RYR2: variants seen among roughly 807,000 people sequenced by gnomAD.
The protein encoded by RYR2 is ryanodine receptor 2.
RYR2 carries 227 observed loss-of-function variants against 601.1 expected under a neutral mutation model. The observed-to-expected ratio is 0.38, with a 90% CI of 0.34 to 0.42. The LOEUF (loss-of-function observed/expected upper bound fraction) is 0.42. Ranked by LOEUF, RYR2 falls within the 10% of genes least tolerant of loss-of-function variation. The pLI, the probability that RYR2 is intolerant of heterozygous loss-of-function variation, is 1.00. For missense variants in RYR2, 4,646 were observed against 6,156.5 expected (o/e 0.75, Z 8.21); for synonymous variants, 2,223 against 2,175.1 (o/e 1.02, Z -0.61).
rs1558301888 is a variant in RYR2, at chr1:237,728,963, A to AG, written c.10839-1296dup. ...CTTAAAGTAATGAAAGCAAAAAAAA[A>AG]GAATATTAACTTTGAATTCACATTA... is the stretch of plus-strand genomic sequence containing the variant. On this transcript the variant is annotated intron_variant, in intron 76 of 104. Transcript: ENST00000366574. 1.4e-4 allele frequency among the ~76,000 whole-genome samples: 21 copies of AG among 147,536 alleles called. 1 individual carries two copies. In the South Asian group the frequency reaches 4.7e-3, roughly 33 times the overall value.
At chr1:237,176,286 T>A (rs1232457061) in intron 1 of RYR2, among the ~76,000 whole-genome samples, 9 of 39,488 alleles carry the variant, frequency 2.3e-4, no homozygotes, top group South Asian at 7.9e-4. Context: ...TATATAAAAA[T>A]AATATATAAA....
intron 1 of RYR2, among the ~76,000 whole-genome samples, chr1:237,082,558 A>ATATATATATATATATATATAT (rs1558200818): frequency 8.3e-5 from 2 of 24,174 alleles, no homozygotes; most frequent in African/African-American, 1.3e-4. Flanking sequence ...TATATATATA[A>ATATATATATATATATATATAT]AATCGGATAT....
chr1:237,558,434 C>T (rs766163059), intron 27 of RYR2, among the ~76,000 whole-genome samples: 14 of 152,132 alleles, frequency 9.2e-5, no homozygotes, highest in East Asian at 1.9e-4. Context: ...TATATCATCC[C>T]GCTGCCTTCT....
intron 14 of RYR2, among the ~76,000 whole-genome samples, chr1:237,449,364 G>A (rs1377391562): frequency 2.0e-5 from 3 of 151,980 alleles, no homozygotes; most frequent in Non-Finnish European, 4.4e-5. Flanking sequence ...ACCTTTAATT[G>A]ATATTTTGTC....
At chr1:237,294,933 G>T (rs1306438712) in intron 2 of RYR2, among the ~76,000 whole-genome samples, 1 of 152,156 alleles carries the variant, frequency 6.6e-6, no homozygotes, top group Non-Finnish European at 1.5e-5. Flanking sequence ...GTACTTATAG[G>T]CCAGGCATGG....
chr1:237,264,090 T>C (rs865916651), intron 1 of RYR2, among the ~76,000 whole-genome samples: 11 of 75,586 alleles, frequency 1.5e-4, no homozygotes, highest in African/African-American at 3.3e-4. Context: ...CACATGCACA[T>C]GCACACACAC....
At chr1:237,124,658 C>T (rs984732280) in intron 1 of RYR2, among the ~76,000 whole-genome samples, 5 of 152,190 alleles carry the variant, frequency 3.3e-5, no homozygotes, top group Non-Finnish European at 7.3e-5. Flanking sequence ...GTCTTTCTCA[C>T]ATCCTATCAC....
At chr1:237,142,259 G>A (rs1673472681) in intron 1 of RYR2, among the ~76,000 whole-genome samples, 1 of 152,214 alleles carries the variant, frequency 6.6e-6, no homozygotes, top group South Asian at 2.1e-4. Context: ...TTCTTATGCT[G>A]AAGAGTTTGC....
At chr1:237,402,543 T>G (rs1055131180) in intron 10 of RYR2, among the ~76,000 whole-genome samples, 11 of 152,144 alleles carry the variant, frequency 7.2e-5, no homozygotes, top group Admixed American at 7.2e-4. Context: ...ATGGATAGAT[T>G]TAATATCAGC....
rs116329626 is a variant in RYR2, at chr1:237,192,715, C to T, written c.49-77782C>T. Among the ~76,000 whole-genome samples, 887 of 152,224 alleles carry T rather than the reference C, an allele frequency of 5.8e-3. 9 individuals are homozygous for T. Among genetic ancestry groups the T allele is most frequent in the South Asian group, 0.031 (149 of 4,818 alleles). The stretch of plus-strand genomic sequence containing the variant: ...AGGAAGGTAGAGGGCATTTATTTTC[C>T]GCTAAGGGGTTTAGAACAGAGATAC... On this transcript the variant is annotated intron_variant, in intron 1 of 104. Transcript: ENST00000366574.
At chr1:237,342,661 C>G (rs919396915) in intron 3 of RYR2, among the ~76,000 whole-genome samples, 12 of 152,270 alleles carry the variant, frequency 7.9e-5, no homozygotes, top group African/African-American at 2.9e-4. Flanking sequence ...CTTCTGAGAT[C>G]AGGCCACATG....
chr1:237,108,036 T>C (rs1668946416), intron 1 of RYR2, among the ~76,000 whole-genome samples: 1 of 152,242 alleles, frequency 6.6e-6, no homozygotes, highest in Non-Finnish European at 1.5e-5. Context: ...AGAGCTAACC[T>C]TCCTGGTGGT....
In RYR2 at chr1:237,370,722, G is replaced by A. The variant is rs556636288; in HGVS notation, c.384+1114G>A. ...GTTGCCCAGGCTGGAGTGCAGTGGC[G>A]CGATCTCGGCTCACTGCAAGCTCCG... is the stretch of plus-strand genomic sequence containing the variant. On this transcript the variant is annotated intron_variant, in intron 6 of 104. Transcript: ENST00000366574. Among the ~76,000 whole-genome samples the A allele has an allele frequency of 1.3e-4, 19 of 149,428 alleles. No individual in the cohort carries two copies. The East Asian group carries it at 1.4e-3, about 11-fold the overall frequency.
chr1:237,717,451 T>C, intron 72 of RYR2, 83 bp downstream of exon 72: 1 of 1,141,484 alleles, frequency 8.8e-7, no homozygotes, highest in Non-Finnish European at 1.2e-6. Flanking sequence ...CACTGCCCTA[T>C]GTCAATATTT....
chr1:237,380,056 G>A (rs898651470), intron 8 of RYR2, among the ~76,000 whole-genome samples: 3 of 151,914 alleles, frequency 2.0e-5, no homozygotes, highest in African/African-American at 7.3e-5. Flanking sequence ...CAGTAAATAC[G>A]CATTACAGTA....
rs528542472 is a variant in RYR2, at chr1:237,270,744, T to C, written c.168+128T>C. The C allele has an allele frequency of 3.3e-5, 35 of 1,062,740 alleles. No individual in the cohort carries two copies. In the African/African-American group the frequency reaches 4.5e-4, roughly 14 times the overall value. The allele number at this position is 1,062,740 out of a possible 1,614,324, so 65.8% of individuals were successfully genotyped here. Reference sequence around the variant, plus strand: ...TAAATGAAAGGGATATAACAATGTTTTCCATCTCCATTTTGCTGATTTTTA... The same window carrying C: ...TAAATGAAAGGGATATAACAATGTTCTCCATCTCCATTTTGCTGATTTTTA... On this transcript the variant is annotated intron_variant, in intron 2 of 104. Transcript: ENST00000366574.
chr1:237,660,853 C>G lies in RYR2; in HGVS notation c.8342C>G (p.Thr2781Ser), dbSNP rs369963696. The change falls in exon 56 of 105, where the codon ACT becomes AGT. Residue 2781 changes from threonine (T) to serine (S), a missense_variant. Around this residue, in one of 17 missense-constraint regions of RYR2, gnomAD observed 1,497 missense variants for 1,842.6 expected, o/e 0.81. Transcript: ENST00000366574. ...YRWPIKESLK[T>S]MLAWGWRIER... is the part of the protein sequence containing the mutation. ...TGGCCAATCAAAGAATCTTTAAAAA[C>G]TATGCTGGCTTGGGGCTGGAGAATT... 2 of 1,547,026 alleles carry G rather than the reference C, an allele frequency of 1.3e-6. No individual in the cohort carries two copies. Among genetic ancestry groups the G allele is most frequent in the Non-Finnish European group, 1.7e-6 (2 of 1,144,194 alleles).
At chr1:237,408,514 C>T (rs1175642895) in intron 10 of RYR2, among the ~76,000 whole-genome samples, 1 of 151,432 alleles carries the variant, frequency 6.6e-6, no homozygotes, top group Non-Finnish European at 1.5e-5. Flanking sequence ...TTTCTAGGCT[C>T]TCTATTCTGT....
intron 88 of RYR2, among the ~76,000 whole-genome samples, chr1:237,780,389 C>T (rs1049779744): frequency 3.9e-5 from 6 of 152,198 alleles, no homozygotes; most frequent in African/African-American, 1.4e-4. Context: ...AGGGTATTAA[C>T]ATCTGGTGCT....
Sources: allele counts gnomAD v4.1 joint callset (sites outside exome capture counted in the v4.1 genomes callset), GRCh38; gene constraint gnomAD v4.1.1; regional missense constraint gnomAD v4.1.1; transcripts MANE v1.5; gene names NCBI Gene and HGNC (gene_info 2026-07-23, HGNC 2026-07-21).